Variants in AOPEP observed in about 807,000 individuals in gnomAD.
The protein encoded by AOPEP is aminopeptidase O (putative), also known as aminopeptidase O.
Under a neutral mutation model 98.1 loss-of-function variants are expected in AOPEP, and 77 were observed. That is an observed-to-expected ratio of 0.78 (90% CI 0.65 to 0.95). The LOEUF (loss-of-function observed/expected upper bound fraction) is 0.95. Ranked by LOEUF, AOPEP falls within the 40% of genes least tolerant of loss-of-function variation. The pLI, the probability that AOPEP is intolerant of heterozygous loss-of-function variation, is 0.00. For synonymous variants in AOPEP, 346 were observed against 365.3 expected (o/e 0.95, Z 0.60); for missense variants, 1,024 against 1,024.7 (o/e 1.00, Z 0.01).
chr9:94,914,344 C>CAGTT (rs1308155753), intron 5 of AOPEP, among the ~76,000 whole-genome samples: 3 of 152,210 alleles, frequency 2.0e-5, no homozygotes, highest in African/African-American at 7.2e-5. Context: ...GATTCAGCTG[C>CAGTT]AGTTACTACA....
the AOPEP span, chr9:95,106,987 C>G: frequency 3.6e-6 from 5 of 1,408,118 alleles, no homozygotes; most frequent in Non-Finnish European, 5.0e-6. Context: ...TGTGCAGAGG[C>G]CAGACCCTCG....
intron 16 of AOPEP, chr9:95,085,580 C>A (rs2070548616): frequency 2.2e-6 from 1 of 447,404 alleles, no homozygotes; most frequent in Non-Finnish European, 4.6e-6. Context: ...GGGGCAGAGG[C>A]CGTTGCTGAC....
At chr9:95,080,192 A>G (rs1302305240) in intron 14 of AOPEP, among the ~76,000 whole-genome samples, 5 of 152,236 alleles carry the variant, frequency 3.3e-5, no homozygotes, top group African/African-American at 1.2e-4. Flanking sequence ...TTTTCTCTCT[A>G]AAGTTGACCA....
intron 5 of AOPEP, among the ~76,000 whole-genome samples, chr9:94,915,541 G>T (rs2052676082): frequency 6.6e-6 from 1 of 151,984 alleles, no homozygotes; most frequent in African/African-American, 2.4e-5. Flanking sequence ...ACGTCCTGCT[G>T]CCTGACCAGA....
chr9:94,832,080 C>G (rs1015297872), intron 5 of AOPEP, among the ~76,000 whole-genome samples: 5 of 151,872 alleles, frequency 3.3e-5, no homozygotes, highest in African/African-American at 7.3e-5. Flanking sequence ...AAACCCAGAA[C>G]CAATAGAAGG....
intron 4 of AOPEP, among the ~76,000 whole-genome samples, chr9:94,795,000 T>C (rs1290040007): frequency 6.6e-6 from 1 of 152,232 alleles, no homozygotes; most frequent in Non-Finnish European, 1.5e-5. Flanking sequence ...ATTGATACAG[T>C]AGCCATTAGT....
At chr9:94,727,130 T>A (rs1174451781) in intron 1 of AOPEP, among the ~76,000 whole-genome samples, 1 of 152,208 alleles carries the variant, frequency 6.6e-6, no homozygotes, top group African/African-American at 2.4e-5. Flanking sequence ...CAGTCTTAAG[T>A]AGGCAGAACA....
At chr9:95,103,507 G>A in the AOPEP span, among the ~76,000 whole-genome samples, 3 of 152,194 alleles carry the variant, frequency 2.0e-5, no homozygotes, top group Admixed American at 2.0e-4. Flanking sequence ...ACAGGAGGTG[G>A]AGCCCCAGGG....
intron 5 of AOPEP, among the ~76,000 whole-genome samples, chr9:94,810,797 G>C (rs1192374666): frequency 6.6e-6 from 1 of 152,186 alleles, no homozygotes; most frequent in Non-Finnish European, 1.5e-5. Flanking sequence ...CCAAGCAAAA[G>C]TTTCAGAAGG....
In AOPEP at chr9:94,758,865, G is replaced by A. The variant is rs115585196; in HGVS notation, c.-135-784G>A. Reference sequence around the variant, plus strand: ...TTATGAAGAACTTGTGCATTTTATTGTAACATCTGTTTCTACATTTTAATT... The same window carrying A: ...TTATGAAGAACTTGTGCATTTTATTATAACATCTGTTTCTACATTTTAATT... On this transcript the variant is annotated intron_variant, in intron 1 of 16. Transcript: ENST00000375315. Among the ~76,000 whole-genome samples, 1,448 of 150,116 alleles carry A rather than the reference G, an allele frequency of 9.6e-3. 26 individuals carry two copies. The highest frequency in any genetic ancestry group is 0.033 in the African/African-American group (1,349 of 41,080).
chr9:94,773,220 A>G, intron 3 of AOPEP, 52 bp downstream of exon 3: 1 of 1,480,176 alleles, frequency 6.8e-7, no homozygotes, highest in Non-Finnish European at 9.2e-7. Context: ...ATGTGGACCC[A>G]GGAACCCAAT....
At chr9:95,052,710 T>A (rs1226945056) in intron 13 of AOPEP, among the ~76,000 whole-genome samples, 1 of 152,194 alleles carries the variant, frequency 6.6e-6, no homozygotes, top group East Asian at 1.9e-4. Context: ...ATTGGAGTAA[T>A]ATAGGAAGTT....
chr9:94,979,594 C>A (rs558741166), intron 11 of AOPEP, among the ~76,000 whole-genome samples, 167 bp downstream of exon 11: 33 of 152,346 alleles, frequency 2.2e-4, no homozygotes, highest in African/African-American at 7.9e-4. Context: ...CATTTCCCCC[C>A]CTCATTGTGG....
intron 13 of AOPEP, among the ~76,000 whole-genome samples, chr9:95,017,317 C>G (rs1309190936): frequency 6.6e-6 from 1 of 152,116 alleles, no homozygotes; most frequent in African/African-American, 2.4e-5. Flanking sequence ...TATACTTAGA[C>G]AAACCTAGAT....
chr9:94,753,002 T>C (rs971530113), intron 1 of AOPEP, among the ~76,000 whole-genome samples: 40 of 152,310 alleles, frequency 2.6e-4, no homozygotes, highest in African/African-American at 9.6e-4. Flanking sequence ...AATAAACTTA[T>C]TTAAGTAAGT....
chr9:95,135,849 AT>A, the AOPEP span, among the ~76,000 whole-genome samples: 1 of 152,346 alleles, frequency 6.6e-6, no homozygotes, highest in South Asian at 2.1e-4. Flanking sequence ...AGAAATAGGC[AT>A]GTTCAAACAC....
At chr9:95,095,526 C>T in the AOPEP span, among the ~76,000 whole-genome samples, 1 of 152,190 alleles carries the variant, frequency 6.6e-6, no homozygotes, top group Non-Finnish European at 1.5e-5. Flanking sequence ...CTTCTTCTTC[C>T]CTCAGTTTAC....
chr9:95,083,261 A>C (rs2070059692), intron 16 of AOPEP, among the ~76,000 whole-genome samples: 1 of 151,988 alleles, frequency 6.6e-6, no homozygotes. Context: ...CAGCACACAC[A>C]GCACATGCAC....
chr9:95,051,706 CTT>C (rs35555702), intron 13 of AOPEP, among the ~76,000 whole-genome samples: 3 of 142,734 alleles, frequency 2.1e-5, no homozygotes, highest in Non-Finnish European at 1.5e-5. Context: ...GTTTATGAAA[CTT>C]TTTTTTTTTT....
Sources: gnomAD v4.1 joint callset for allele counts (sites outside exome capture counted in the v4.1 genomes callset) on GRCh38, gnomAD v4.1.1 for gene constraint, MANE v1.5 for transcripts, NCBI Gene and HGNC (gene_info 2026-07-23, HGNC 2026-07-21) for gene names.